MLXIP: variants seen among roughly 807,000 people sequenced by gnomAD.
MLXIP encodes MLX interacting protein.
In MLXIP, 30 loss-of-function variants were observed where a neutral mutation model predicts 87.2. That is an observed-to-expected ratio of 0.34 (90% CI 0.26 to 0.47). The LOEUF (loss-of-function observed/expected upper bound fraction) is 0.47. MLXIP is among the 20% of genes least tolerant of loss of function. MLXIP has a pLI of 1.00. For missense variants in MLXIP, 1,002 were observed against 1,240.1 expected (o/e 0.81, Z 2.88); for synonymous variants, 530 against 514.0 (o/e 1.03, Z -0.42).
intron 1 of MLXIP, among the ~76,000 whole-genome samples, chr12:122,087,327 AC>A: frequency 6.6e-6 from 1 of 152,220 alleles, no homozygotes; most frequent in South Asian, 2.1e-4. Flanking sequence ...GATTGTCAGC[AC>A]ATCAGGTCTT....
At chr12:122,109,721 T>C (rs759825572) in intron 1 of MLXIP, among the ~76,000 whole-genome samples, 2 of 152,184 alleles carry the variant, frequency 1.3e-5, no homozygotes, top group Non-Finnish European at 2.9e-5. Flanking sequence ...GGAAGGTTAA[T>C]AAGTTGACTA....
chr12:122,128,891 C>T (rs1255551889), intron 3 of MLXIP: 1 of 527,332 alleles, frequency 1.9e-6, no homozygotes, highest in Non-Finnish European at 3.4e-6. Context: ...TGGACAGAGC[C>T]TCAGGACCGT....
At position 122,136,662 on chromosome 12, in the gene MLXIP, A is replaced by T. The variant is rs563152509; in HGVS notation, c.2033-807A>T. On this transcript the variant is annotated intron_variant, in intron 11 of 16. Coordinates refer to ENST00000319080, the MANE Select transcript of MLXIP (RefSeq NM_014938.6). ...AAAGGCATGGTGTAGCTGCTCCTGGAACTCTGAGCAAACAGTTGTCTCCCT... is the reference window on the plus strand; with the variant it reads ...AAAGGCATGGTGTAGCTGCTCCTGGTACTCTGAGCAAACAGTTGTCTCCCT... 2.4e-3 allele frequency: 359 copies of T among 152,188 alleles called. 5 individuals are homozygous for T. Among genetic ancestry groups the T allele is most frequent in the Non-Finnish European group, 8.1e-4 (55 of 68,006 alleles). 9.4% of individuals were successfully genotyped at this position (152,188 alleles called of 1,614,324 possible). A position where few individuals can be genotyped will look rare whatever the true frequency, so the allele number is the denominator to read the frequency against.
chr12:122,141,226 C>T (rs1953196849), intron 16 of MLXIP, 143 bp downstream of exon 16: 7 of 1,269,198 alleles, frequency 5.5e-6, no homozygotes, highest in African/African-American at 4.5e-5. Context: ...CCAGGAGGTC[C>T]TCAGTCAGGA....
Position 122,137,338 on chromosome 12 carries a change from G to A in MLXIP, c.2033-131G>A. On this transcript the variant is annotated intron_variant, in intron 11 of 16. Coordinates refer to ENST00000319080, the MANE Select transcript of MLXIP (RefSeq NM_014938.6). This position sits in a 1 kb window ranked among gnomAD's most constrained non-coding sequence, Gnocchi z 4.1. ...GAATAATCTAAGGAAGCATGTGTGT[G>A]CAGTTGAAAGAACCAAGTGCAATAC... The A allele has an allele frequency of 1.1e-6, 1 of 883,588 alleles. No homozygotes were observed. The highest frequency in any genetic ancestry group is 1.7e-6 in the Non-Finnish European group (1 of 602,048). The allele number at this position is 883,588 out of a possible 1,614,324, so 54.7% of individuals were successfully genotyped here.
intron 15 of MLXIP, 84 bp from the exon 16 acceptor site, chr12:122,140,870 A>G (rs536916989): frequency 1.2e-6 from 2 of 1,601,096 alleles, no homozygotes; most frequent in South Asian, 2.2e-5. Context: ...CCCAGGGGAA[A>G]GGAGTACGCC....
rs1358219374 is a variant in MLXIP, at chr12:122,142,614, G to A, written c.*802G>A. 3.5e-6 allele frequency: 1 copy of A among 282,840 alleles called. No homozygotes were observed. Among genetic ancestry groups the A allele is most frequent in the Non-Finnish European group, 7.0e-6 (1 of 142,874 alleles). The allele number at this position is 282,840 out of a possible 1,614,324, so 17.5% of individuals were successfully genotyped here. The stretch of plus-strand genomic sequence containing the variant: ...GTCACCTCACCGCTGTGGCCCTTCT[G>A]CCGTTCTTCTCCACTTGGCTCCAGC... On this transcript the variant is annotated 3_prime_UTR_variant, in exon 17 of 17. Transcript: ENST00000319080.
At chr12:122,081,286 C>G (rs372370739) in intron 1 of MLXIP, among the ~76,000 whole-genome samples, 9 of 152,128 alleles carry the variant, frequency 5.9e-5, no homozygotes, top group African/African-American at 2.2e-4. Flanking sequence ...CACAGGCCCT[C>G]GGATGGGATC....
intron 1 of MLXIP, among the ~76,000 whole-genome samples, chr12:122,092,338 A>G (rs1445990078): frequency 1.3e-5 from 2 of 151,944 alleles, no homozygotes; most frequent in African/African-American, 2.4e-5. Context: ...AGCTCTAGCA[A>G]CTCATCTGCC....
At chr12:122,104,520 T>C (rs1029637789) in intron 1 of MLXIP, among the ~76,000 whole-genome samples, 3 of 152,106 alleles carry the variant, frequency 2.0e-5, no homozygotes, top group African/African-American at 7.2e-5. Context: ...TGTTGGTAGA[T>C]GTATTTGATT....
At chr12:122,088,022 A>ACAGTGCACT (rs1952193287) in intron 1 of MLXIP, among the ~76,000 whole-genome samples, 1 of 152,194 alleles carries the variant, frequency 6.6e-6, no homozygotes, top group Admixed American at 6.5e-5. Flanking sequence ...TGAGGACACC[A>ACAGTGCACT]CAGTGCACAA....
chr12:122,094,615 GTA>G (rs1952318487), intron 1 of MLXIP, among the ~76,000 whole-genome samples: 1 of 145,678 alleles, frequency 6.9e-6, no homozygotes. Flanking sequence ...TGTGTGTGGT[GTA>G]TGTTTTCGGT....
chr12:122,128,944 G>A (rs1032579949), intron 3 of MLXIP, 193 bp from the exon 4 acceptor site: 5 of 596,536 alleles, frequency 8.4e-6, no homozygotes, highest in Admixed American at 2.8e-5. Context: ...AAATGACAGC[G>A]CATTGTTAGC....
intron 1 of MLXIP, among the ~76,000 whole-genome samples, chr12:122,097,846 T>C (rs1188501824): frequency 4.7e-5 from 7 of 150,278 alleles, no homozygotes; most frequent in East Asian, 3.9e-4. Context: ...ATCCATGGGT[T>C]CCCCCTCCCC....
chr12:122,134,147 A>T, intron 9 of MLXIP, 160 bp downstream of exon 9: 1 of 877,552 alleles, frequency 1.1e-6, no homozygotes, highest in Non-Finnish European at 1.7e-6. Context: ...TCATGAAATA[A>T]TACATGGCCA....
chr12:122,129,075 C>A, intron 3 of MLXIP, 62 bp from the exon 4 acceptor site: 1 of 1,357,940 alleles, frequency 7.4e-7, no homozygotes, highest in Non-Finnish European at 1.0e-6. Flanking sequence ...CTCAGTACAC[C>A]AGTTGAGCTT....
chr12:122,078,915 T>A lies in MLXIP; in HGVS notation c.62T>A (p.Leu21Gln). 1 of 1,141,890 alleles carries A rather than the reference T, an allele frequency of 8.8e-7. No individual in the cohort carries two copies. Among genetic ancestry groups the A allele is most frequent in the Non-Finnish European group, 1.1e-6 (1 of 925,538 alleles). The allele number at this position is 1,141,890 out of a possible 1,614,324, so 70.7% of individuals were successfully genotyped here. A position where few individuals can be genotyped will look rare whatever the true frequency, so the allele number is the denominator to read the frequency against. Residue 21 changes from leucine (L) to glutamine (Q), a missense_variant, in exon 1 of 17, where the codon CTG (leucine) becomes CAG (glutamine). Leu to Gln is a moderately radical substitution (Grantham distance 113). Transcript: ENST00000319080. The stretch of plus-strand genomic sequence containing the variant: ...CCTCGCAGCCGGGGCCGCCAGGTGC[T>A]GCTCAAGCCCCAGGTGTCCGAGGAC... Reference protein sequence around the residue: ...RRPRSRGRQVLLKPQVSEDDD... With the variant: ...RRPRSRGRQVQLKPQVSEDDD...
intron 1 of MLXIP, among the ~76,000 whole-genome samples, chr12:122,097,441 C>T (rs1014910462): frequency 6.6e-5 from 10 of 151,724 alleles, no homozygotes; most frequent in African/African-American, 1.9e-4. Flanking sequence ...GGCAACATAA[C>T]GAGACCCTAT....
intron 1 of MLXIP, among the ~76,000 whole-genome samples, chr12:122,122,757 C>G (rs1445084065): frequency 1.3e-5 from 2 of 151,998 alleles, no homozygotes; most frequent in Non-Finnish European, 2.9e-5. Flanking sequence ...CCATGTTAGC[C>G]AGGATGGTCT....
Sources: allele counts gnomAD v4.1 joint callset (sites outside exome capture counted in the v4.1 genomes callset), GRCh38; gene constraint gnomAD v4.1.1; non-coding constraint Gnocchi (gnomAD v3.1); transcripts MANE v1.5; gene names NCBI Gene and HGNC (gene_info 2026-07-23, HGNC 2026-07-21).